The following DAPK1 variants were observed in gnomAD, a reference collection of about 807,000 sequenced individuals.
The protein encoded by DAPK1 is death associated protein kinase 1.
A neutral mutation model predicts 144.9 loss-of-function variants in DAPK1; 56 were observed. The observed-to-expected ratio is 0.39, with a 90% CI of 0.31 to 0.48. The LOEUF is 0.48. DAPK1 is among the 20% of genes least tolerant of loss of function. The pLI is 0.95. For synonymous variants in DAPK1, 690 were observed against 749.0 expected, an observed-to-expected ratio of 0.92 and a Z score of 1.29; for missense variants, 1,454 against 1,875.4, an observed-to-expected ratio of 0.78 and a Z score of 4.15.
intron 17 of DAPK1, chr9:87,657,744 A>T: frequency 2.3e-6 from 1 of 429,444 alleles, no homozygotes. Context: ...GGAACTCTGG[A>T]CCTTGAGCCC....
rs545391852 is a variant in DAPK1, at chr9:87,558,824, A to T, written c.63-46130A>T. Among the ~76,000 whole-genome samples, 4 of 152,304 alleles carry T rather than the reference A, an allele frequency of 2.6e-5. No homozygotes were observed. The South Asian group carries it at 8.3e-4, about 32-fold the overall frequency. On this transcript the variant is annotated intron_variant, in intron 2 of 25. Coordinates refer to ENST00000408954, the MANE Select transcript of DAPK1 (RefSeq NM_004938.4). ...TGGGCTCCCACGTGCAGAAAGCATG[A>T]TTCCCATGCTCCATGTGGGCGGACT...
intron 2 of DAPK1, among the ~76,000 whole-genome samples, chr9:87,592,250 A>G (rs1828164295): frequency 6.6e-6 from 1 of 152,196 alleles, no homozygotes; most frequent in African/African-American, 2.4e-5. Flanking sequence ...AAACCCAGCA[A>G]GAGGAAGGGC....
At chr9:87,560,822 C>T (rs562928800) in intron 2 of DAPK1, among the ~76,000 whole-genome samples, 7 of 152,100 alleles carry the variant, frequency 4.6e-5, no homozygotes, top group East Asian at 1.9e-4. Flanking sequence ...CCCACCACCA[C>T]GCCCGGCTAA....
At chr9:87,649,825 C>A in intron 15 of DAPK1, 96 bp from the exon 16 acceptor site, 1 of 1,188,460 alleles carries the variant, frequency 8.4e-7, no homozygotes, top group Non-Finnish European at 1.2e-6. Flanking sequence ...GCCTTGGTTG[C>A]GTTTCTGCCA....
intron 17 of DAPK1, among the ~76,000 whole-genome samples, chr9:87,655,002 C>T (rs1028990308): frequency 6.6e-6 from 1 of 152,228 alleles, no homozygotes; most frequent in Non-Finnish European, 1.5e-5. Flanking sequence ...ATTTTTCAGG[C>T]TGCAAATATC....
At chr9:87,540,766 AC>A (rs2118465639) in intron 2 of DAPK1, among the ~76,000 whole-genome samples, 1 of 152,306 alleles carries the variant, frequency 6.6e-6, no homozygotes, top group Non-Finnish European at 1.5e-5. Context: ...TATACATCAT[AC>A]CACAGCGTAG....
chr9:87,586,327 T>C (rs1331362943), intron 2 of DAPK1, among the ~76,000 whole-genome samples: 1 of 152,128 alleles, frequency 6.6e-6, no homozygotes, highest in African/African-American at 2.4e-5. Context: ...CCCATGTGGT[T>C]TGCATTTGTG....
intron 17 of DAPK1, chr9:87,657,754 C>A: frequency 2.2e-6 from 1 of 446,604 alleles, no homozygotes; most frequent in Non-Finnish European, 4.1e-6. Flanking sequence ...ACCTTGAGCC[C>A]TTGACTCCTG....
chr9:87,512,690 C>T (rs1471977662), intron 2 of DAPK1, among the ~76,000 whole-genome samples: 1 of 151,964 alleles, frequency 6.6e-6, no homozygotes, highest in East Asian at 1.9e-4. Context: ...GTCGCCCAGG[C>T]TGGAGTACAG....
intron 15 of DAPK1, 130 bp downstream of exon 15, chr9:87,649,009 C>T: frequency 1.3e-6 from 1 of 774,992 alleles, no homozygotes; most frequent in Non-Finnish European, 2.1e-6. Flanking sequence ...GAGGGCAAGG[C>T]TCAAGGGGCA....
chr9:87,599,190 G>A (rs187089740), intron 2 of DAPK1, among the ~76,000 whole-genome samples: 5 of 152,346 alleles, frequency 3.3e-5, no homozygotes, highest in Admixed American at 3.3e-4. Context: ...ATACACTTGA[G>A]TTTGAGTTCA....
chr9:87,563,662 C>CCA, intron 2 of DAPK1, among the ~76,000 whole-genome samples: 2 of 152,202 alleles, frequency 1.3e-5, no homozygotes, highest in African/African-American at 4.8e-5. Flanking sequence ...AGAGGCCCAG[C>CCA]CATCAGTCAG....
chr9:87,609,410 G>A (rs930956325), intron 3 of DAPK1, among the ~76,000 whole-genome samples: 1 of 152,226 alleles, frequency 6.6e-6, no homozygotes, highest in Admixed American at 6.5e-5. Flanking sequence ...CCTAAGAACA[G>A]AAAGTGCACC....
At chr9:87,500,717 G>A (rs1824358300) in intron 2 of DAPK1, among the ~76,000 whole-genome samples, 1 of 152,028 alleles carries the variant, frequency 6.6e-6, no homozygotes, top group African/African-American at 2.4e-5. Context: ...TTATTTCGTG[G>A]GCGTGATGAT....
intron 3 of DAPK1, among the ~76,000 whole-genome samples, chr9:87,615,865 T>G (rs1244195164): frequency 6.6e-6 from 1 of 152,242 alleles, no homozygotes; most frequent in Non-Finnish European, 1.5e-5. Flanking sequence ...TCTCAGACAG[T>G]AGCCTCTTGG....
At chr9:87,498,557 C>G (rs1053645456) in intron 1 of DAPK1, 4 of 248,142 alleles carry the variant, frequency 1.6e-5, no homozygotes, top group Non-Finnish European at 2.3e-5. Context: ...CCACCGTTGC[C>G]GCAGGCTGGA....
At chr9:87,551,425 C>T (rs1245777263) in intron 2 of DAPK1, among the ~76,000 whole-genome samples, 7 of 152,184 alleles carry the variant, frequency 4.6e-5, no homozygotes, top group Non-Finnish European at 8.8e-5. Context: ...GGATTACAGG[C>T]GTGAGTCACC....
intron 15 of DAPK1, 138 bp from the exon 16 acceptor site, chr9:87,649,783 A>T: frequency 1.3e-6 from 1 of 757,950 alleles, no homozygotes; most frequent in Non-Finnish European, 2.3e-6. Flanking sequence ...TTAATATTTC[A>T]CTCCAATACC....
rs36207725 is a variant in DAPK1 at position 87,605,670 on chromosome 9, T to C, written c.284+495T>C. The stretch of plus-strand genomic sequence containing the variant: ...ACACTAATTATATGAATGGGTAAAA[T>C]TGAGCCAGAATCACTCAAAAAGGAC... On this transcript the variant is annotated intron_variant, in intron 3 of 25. Coordinates refer to ENST00000408954, the MANE Select transcript of DAPK1 (RefSeq NM_004938.4). 5.0e-3 allele frequency among the ~76,000 whole-genome samples: 754 copies of C among 152,260 alleles called. 8 individuals carry two copies. Among genetic ancestry groups the C allele is most frequent in the African/African-American group, 0.017 (702 of 41,538 alleles).
Sources: allele counts gnomAD v4.1 joint callset (sites outside exome capture counted in the v4.1 genomes callset), GRCh38; gene constraint gnomAD v4.1.1; transcripts MANE v1.5; gene names NCBI Gene and HGNC (gene_info 2026-07-23, HGNC 2026-07-21).